The following INSYN2B variants were observed in gnomAD, a reference collection of about 807,000 sequenced individuals.
INSYN2B encodes inhibitory synaptic factor family member 2B.
In INSYN2B, 16 loss-of-function variants were observed where a neutral mutation model predicts 41.2. That is an observed-to-expected ratio of 0.39 (90% CI 0.26 to 0.59). INSYN2B has a LOEUF of 0.59. INSYN2B is among the 20% of genes least tolerant of loss of function. INSYN2B has a pLI of 0.57. For missense variants in INSYN2B, 608 were observed against 646.4 expected (o/e 0.94, Z 0.64); for synonymous variants, 245 against 244.4 (o/e 1.00, Z -0.02).
At chr5:169,906,035 G>T (rs1774257026) in intron 1 of INSYN2B, among the ~76,000 whole-genome samples, 1 of 152,166 alleles carries the variant, frequency 6.6e-6, no homozygotes, top group South Asian at 2.1e-4. Context: ...GTGTTGACTG[G>T]TTGGAAGTAG....
At chr5:169,923,027 A>G (rs1775257659) in intron 1 of INSYN2B, among the ~76,000 whole-genome samples, 2 of 152,224 alleles carry the variant, frequency 1.3e-5, no homozygotes, top group African/African-American at 4.8e-5. Flanking sequence ...CGTATTTCAC[A>G]GATGTGGAAA....
At chr5:169,914,331 T>A (rs139060036) in intron 1 of INSYN2B, among the ~76,000 whole-genome samples, 1 of 152,346 alleles carries the variant, frequency 6.6e-6, no homozygotes, top group Non-Finnish European at 1.5e-5. Flanking sequence ...TTCCTAAACC[T>A]TTCTTTGGTT....
At chr5:169,879,931 G>C (rs753212670) in intron 3 of INSYN2B, among the ~76,000 whole-genome samples, 1 of 152,188 alleles carries the variant, frequency 6.6e-6, no homozygotes, top group African/African-American at 2.4e-5. Flanking sequence ...GAAAAGAAGA[G>C]AGACTATCCA....
chr5:169,884,988 A>G (rs261073), intron 1 of INSYN2B, among the ~76,000 whole-genome samples, 172 bp from the exon 2 acceptor site: 123,047 of 152,086 alleles, frequency 0.81, 50,664 homozygotes, highest in African/African-American at 0.94. Flanking sequence ...TGTGGGTGCA[A>G]GGCCTTGGAA....
intron 1 of INSYN2B, among the ~76,000 whole-genome samples, chr5:169,974,068 AATAAG>A (rs1777623184): frequency 6.6e-6 from 1 of 152,236 alleles, no homozygotes; most frequent in Non-Finnish European, 1.5e-5. Flanking sequence ...TTTTAATGAT[AATAAG>A]ATCATACCAT....
At chr5:169,894,123 C>T (rs1338533523) in intron 1 of INSYN2B, among the ~76,000 whole-genome samples, 2 of 152,296 alleles carry the variant, frequency 1.3e-5, no homozygotes, top group East Asian at 3.9e-4. Flanking sequence ...GTTTTCAAAG[C>T]ATTTTTAGAT....
chr5:169,906,135 T>C (rs1774261858), intron 1 of INSYN2B, among the ~76,000 whole-genome samples: 1 of 152,216 alleles, frequency 6.6e-6, no homozygotes, highest in Admixed American at 6.5e-5. Flanking sequence ...TTTACATTCA[T>C]TCGTGCAGTA....
rs1771328925 is a variant in INSYN2B, at chr5:169,863,406, G to C, written c.*867C>G. On this transcript the variant is annotated 3_prime_UTR_variant, in exon 4 of 4. Coordinates refer to ENST00000377365, the MANE Select transcript of INSYN2B (RefSeq NM_001129891.3). ...AGATGTAACTGATGGACAGGTTGCT[G>C]GATCTCATGATTTTAAATATTGCAG... Among the ~76,000 whole-genome samples, 1 of 152,208 alleles carries C rather than the reference G, an allele frequency of 6.6e-6. No individual in the cohort carries two copies. The highest frequency in any genetic ancestry group is 2.4e-5 in the African/African-American group (1 of 41,444).
chr5:169,945,246 A>G (rs1776398804), intron 1 of INSYN2B, among the ~76,000 whole-genome samples: 1 of 152,266 alleles, frequency 6.6e-6, no homozygotes, highest in Non-Finnish European at 1.5e-5. Context: ...CTGTGTTATC[A>G]TTCATACAAC....
intron 1 of INSYN2B, among the ~76,000 whole-genome samples, chr5:169,942,281 G>C (rs1229083200): frequency 6.6e-6 from 1 of 152,186 alleles, no homozygotes; most frequent in Admixed American, 6.5e-5. Flanking sequence ...TCTCTGCAAT[G>C]ACTTCTGACT....
chr5:169,934,336 G>A (rs1021160412), intron 1 of INSYN2B, among the ~76,000 whole-genome samples: 3 of 152,144 alleles, frequency 2.0e-5, no homozygotes, highest in African/African-American at 7.2e-5. Flanking sequence ...AGGTACTTTG[G>A]TAGTTGTCCC....
intron 1 of INSYN2B, among the ~76,000 whole-genome samples, chr5:169,951,939 C>T (rs1435893248): frequency 6.6e-6 from 1 of 152,190 alleles, no homozygotes; most frequent in African/African-American, 2.4e-5. Flanking sequence ...CTCCTAGGCT[C>T]TATGTTATTC....
At chr5:169,908,747 C>A (rs1471125338) in intron 1 of INSYN2B, among the ~76,000 whole-genome samples, 1 of 134,162 alleles carries the variant, frequency 7.5e-6, no homozygotes, top group Non-Finnish European at 1.5e-5. Context: ...CCGAGTCTCA[C>A]TCTGTCGCCC....
chr5:169,978,290 T>TTTTG (rs1373168990), intron 1 of INSYN2B, among the ~76,000 whole-genome samples: 7 of 149,802 alleles, frequency 4.7e-5, no homozygotes, highest in Non-Finnish European at 1.0e-4. Context: ...CTCGCCCCTA[T>TTTTG]TTTGTTTGTT....
intron 1 of INSYN2B, among the ~76,000 whole-genome samples, chr5:169,927,104 A>C (rs1007472560): frequency 1.3e-5 from 2 of 152,242 alleles, no homozygotes; most frequent in African/African-American, 4.8e-5. Context: ...TGGGAAGAGC[A>C]AAAGAGCAGA....
chr5:169,870,076 G>A (rs1040794199), intron 3 of INSYN2B, among the ~76,000 whole-genome samples: 5 of 152,170 alleles, frequency 3.3e-5, no homozygotes, highest in Admixed American at 6.5e-5. Context: ...TCTTCCTGAG[G>A]ATGCATGGGA....
At chr5:169,916,519 G>T (rs1774883687) in intron 1 of INSYN2B, among the ~76,000 whole-genome samples, 1 of 152,186 alleles carries the variant, frequency 6.6e-6, no homozygotes. Flanking sequence ...CTCTGCCACT[G>T]ACTAGCTATT....
At chr5:169,973,030 C>T (rs1489930968) in intron 1 of INSYN2B, among the ~76,000 whole-genome samples, 2 of 152,128 alleles carry the variant, frequency 1.3e-5, no homozygotes, top group Non-Finnish European at 2.9e-5. Context: ...ATACGTTTGG[C>T]TTGAAGTTTA....
intron 1 of INSYN2B, among the ~76,000 whole-genome samples, chr5:169,973,404 G>T (rs1258738819): frequency 1.3e-5 from 2 of 152,154 alleles, no homozygotes. Context: ...AGCATTGCAA[G>T]AAGTCTTTCT....
Sources: allele counts gnomAD v4.1 joint callset (sites outside exome capture counted in the v4.1 genomes callset), GRCh38; gene constraint gnomAD v4.1.1; transcripts MANE v1.5; gene names NCBI Gene and HGNC (gene_info 2026-07-23, HGNC 2026-07-21).